FOXP2: variants seen among roughly 807,000 people sequenced by gnomAD.
FOXP2 encodes forkhead box protein P2.
In FOXP2, 12 loss-of-function variants were observed where a neutral mutation model predicts 115.8. That is an observed-to-expected ratio of 0.10 (90% CI 0.07 to 0.17). The LOEUF (loss-of-function observed/expected upper bound fraction) is 0.17. Among genes scored for constraint, FOXP2 ranks in the 10% least tolerant of loss-of-function variants. The pLI, the probability that FOXP2 is intolerant of heterozygous loss-of-function variation, is 1.00. For missense variants in FOXP2, 629 were observed against 843.5 expected, an observed-to-expected ratio of 0.75 and a Z score of 3.15; for synonymous variants, 328 against 297.7, an observed-to-expected ratio of 1.10 and a Z score of -1.05.
At chr7:114,142,847 A>T (rs1020284791) in intron 1 of FOXP2, among the ~76,000 whole-genome samples, 1 of 151,992 alleles carries the variant, frequency 6.6e-6, no homozygotes, top group African/African-American at 2.4e-5. Context: ...TTGAAAAAAA[A>T]AATTTAACGC....
intron 1 of FOXP2, among the ~76,000 whole-genome samples, chr7:114,280,744 T>C (rs549451722): frequency 3.4e-4 from 52 of 152,194 alleles, no homozygotes; most frequent in Admixed American, 6.5e-4. Flanking sequence ...GATTACCTCA[T>C]GAGAAATTCA....
intron 3 of FOXP2, among the ~76,000 whole-genome samples, chr7:114,613,535 C>A (rs975029903): frequency 1.3e-5 from 2 of 151,764 alleles, no homozygotes; most frequent in East Asian, 3.9e-4. Context: ...ATTAGCCAGG[C>A]GTGGTGGCAG....
chr7:114,428,441 G>C (rs921501658), intron 2 of FOXP2, among the ~76,000 whole-genome samples: 81 of 151,550 alleles, frequency 5.3e-4, no homozygotes, highest in Middle Eastern at 3.4e-3. Context: ...ATAAACAAGA[G>C]TAAACACAAA....
chr7:114,194,993 C>T (rs1391896294), intron 1 of FOXP2, among the ~76,000 whole-genome samples: 2 of 151,920 alleles, frequency 1.3e-5, no homozygotes, highest in Admixed American at 1.3e-4. Flanking sequence ...AATTTTATAA[C>T]CCATTTTCTT....
At chr7:114,524,395 T>C (rs1297281016) in intron 2 of FOXP2, among the ~76,000 whole-genome samples, 3 of 152,170 alleles carry the variant, frequency 2.0e-5, no homozygotes, top group African/African-American at 4.8e-5. Flanking sequence ...TCAGAATTTG[T>C]TTTGTTCTCT....
In FOXP2 at chr7:114,232,256, C is replaced by T. The variant is rs528780684; in HGVS notation, c.-101-55763C>T. Among the ~76,000 whole-genome samples, 8 of 152,194 alleles carry T rather than the reference C, an allele frequency of 5.3e-5. No individual in the cohort carries two copies. In the South Asian group the frequency reaches 6.2e-4, roughly 12 times the overall value. ...ATGGAGAAATTGGAACACTTAGGCACTGTTGGTGGGAATGTAAAATGATAC... is the reference window on the plus strand; with the variant it reads ...ATGGAGAAATTGGAACACTTAGGCATTGTTGGTGGGAATGTAAAATGATAC... On this transcript the variant is annotated intron_variant, in intron 1 of 17. Coordinates refer to the FOXP2 transcript ENST00000634411.
At chr7:114,088,904 T>C (rs929694670) in intron 1 of FOXP2, among the ~76,000 whole-genome samples, 1 of 152,220 alleles carries the variant, frequency 6.6e-6, no homozygotes, top group African/African-American at 2.4e-5. Context: ...GTTAGGGTCA[T>C]ACAATTTCAT....
chr7:114,491,740 C>G (rs1440811207), intron 2 of FOXP2, among the ~76,000 whole-genome samples: 1 of 152,132 alleles, frequency 6.6e-6, no homozygotes, highest in East Asian at 1.9e-4. Flanking sequence ...TTGAACCAGC[C>G]TTGCATCCCA....
chr7:114,187,533 A>G (rs540236133), intron 1 of FOXP2, among the ~76,000 whole-genome samples: 2 of 152,332 alleles, frequency 1.3e-5, no homozygotes, highest in East Asian at 3.9e-4. Context: ...AGGCAGATTC[A>G]GATTTTTCCC....
chr7:114,333,495 G>A (rs1175571984), intron 2 of FOXP2, among the ~76,000 whole-genome samples: 3 of 152,214 alleles, frequency 2.0e-5, no homozygotes, highest in African/African-American at 7.2e-5. Flanking sequence ...GCTCACGCCT[G>A]TAATCCCAGC....
chr7:114,339,555 C>G (rs903682912), intron 2 of FOXP2, among the ~76,000 whole-genome samples: 3 of 150,976 alleles, frequency 2.0e-5, no homozygotes, highest in Non-Finnish European at 4.5e-5. Flanking sequence ...AGAACATTTC[C>G]TGAAGCTTTA....
At chr7:114,674,218 C>T (rs1044898789) in intron 16 of FOXP2, among the ~76,000 whole-genome samples, 6 of 152,022 alleles carry the variant, frequency 3.9e-5, no homozygotes, top group African/African-American at 2.4e-5. Context: ...ACATTTTTAT[C>T]CTGGCTTATG....
intron 3 of FOXP2, among the ~76,000 whole-genome samples, chr7:114,602,987 T>C (rs577045784): frequency 4.6e-5 from 7 of 152,188 alleles, no homozygotes; most frequent in Non-Finnish European, 1.0e-4. Flanking sequence ...AAAAACGTTA[T>C]GTTGACAACT....
chr7:114,354,065 A>C (rs906985197), intron 2 of FOXP2, among the ~76,000 whole-genome samples: 1 of 152,164 alleles, frequency 6.6e-6, no homozygotes, highest in African/African-American at 2.4e-5. Context: ...TATACTCACC[A>C]ATCATGTTGG....
At chr7:114,298,084 C>T (rs1162275271) in intron 2 of FOXP2, among the ~76,000 whole-genome samples, 1 of 152,098 alleles carries the variant, frequency 6.6e-6, no homozygotes, top group East Asian at 1.9e-4. Flanking sequence ...TGTGAACTTG[C>T]CCTCAGGAAA....
At chr7:114,682,691 G>A (rs1055934163) in intron 16 of FOXP2, among the ~76,000 whole-genome samples, 1 of 152,056 alleles carries the variant, frequency 6.6e-6, no homozygotes, top group Non-Finnish European at 1.5e-5. Flanking sequence ...ATGGTCACAA[G>A]AAGAGACTAA....
At chr7:114,642,808 ATATAT>A (rs1452288071) in intron 7 of FOXP2, among the ~76,000 whole-genome samples, 185 bp downstream of exon 7, 6 of 58,464 alleles carry the variant, frequency 1.0e-4, no homozygotes, top group African/African-American at 3.1e-4. Flanking sequence ...ATATATATAT[ATATAT>A]TTTTTTTTTT....
rs1361406080 is a variant in FOXP2, at chr7:114,691,376, A to G, written c.*1450A>G. On this transcript the variant is annotated 3_prime_UTR_variant, in exon 17 of 17. Transcript: ENST00000350908. The stretch of plus-strand genomic sequence containing the variant: ...CTGAGTTTTTACACTGAAAGCAAAG[A>G]TTATAGCAATTGTAGTCCATGGTAT... 1 of 453,898 alleles carries G rather than the reference A, an allele frequency of 2.2e-6. No individual in the cohort carries two copies. The highest frequency in any genetic ancestry group is 4.4e-6 in the Non-Finnish European group (1 of 226,760). The allele number at this position is 453,898 out of a possible 1,614,324, so 28.1% of individuals were successfully genotyped here. A position where few individuals can be genotyped will look rare whatever the true frequency, so the allele number is the denominator to read the frequency against.
chr7:114,142,754 A>G (rs1401478052), intron 1 of FOXP2, among the ~76,000 whole-genome samples: 2 of 152,180 alleles, frequency 1.3e-5, no homozygotes, highest in Non-Finnish European at 2.9e-5. Flanking sequence ...ATTAATATAT[A>G]GGCTGAAGTA....
Sources: gnomAD v4.1 joint callset for allele counts (sites outside exome capture counted in the v4.1 genomes callset) on GRCh38, gnomAD v4.1.1 for gene constraint, MANE v1.5 for transcripts, NCBI Gene and HGNC (gene_info 2026-07-23, HGNC 2026-07-21) for gene names.